DISC1: variants seen among roughly 807,000 people sequenced by gnomAD.
DISC1 encodes the protein disrupted in schizophrenia 1 protein.
In DISC1, 57 loss-of-function variants were observed where a neutral mutation model predicts 84.5. The ratio of observed to expected loss-of-function variants is 0.67; its 90% CI spans 0.55 to 0.84. The LOEUF is 0.84. Ranked by LOEUF, DISC1 falls within the 40% of genes least tolerant of loss-of-function variation. The pLI, the probability that DISC1 is intolerant of heterozygous loss-of-function variation, is 0.00. For synonymous variants in DISC1, 411 were observed against 415.2 expected, an observed-to-expected ratio of 0.99 and a Z score of 0.12; for missense variants, 1,000 against 1,057.8, an observed-to-expected ratio of 0.95 and a Z score of 0.76.
At chr1:231,642,229 G>A (rs1222773574) in intron 1 of DISC1, among the ~76,000 whole-genome samples, 2 of 152,162 alleles carry the variant, frequency 1.3e-5, no homozygotes, top group South Asian at 2.1e-4. Flanking sequence ...ATGCTCACCC[G>A]GAACTCGCGC....
intron 1 of DISC1, among the ~76,000 whole-genome samples, chr1:231,692,973 G>A (rs1332123651): frequency 1.3e-5 from 2 of 152,208 alleles, no homozygotes; most frequent in Non-Finnish European, 2.9e-5. Context: ...ATCATCATAT[G>A]TGCCAGGCAC....
intron 8 of DISC1, among the ~76,000 whole-genome samples, chr1:231,803,333 G>A (rs1033040134): frequency 2.6e-5 from 4 of 152,184 alleles, no homozygotes; most frequent in African/African-American, 4.8e-5. Flanking sequence ...CTCTATTAAT[G>A]TGTAATAAGT....
intron 11 of DISC1, among the ~76,000 whole-genome samples, chr1:232,015,041 G>A (rs991896937): frequency 2.6e-5 from 4 of 152,148 alleles, no homozygotes; most frequent in African/African-American, 7.2e-5. Context: ...CCCCTGGCCT[G>A]GCCCTGGCCA....
chr1:231,898,966 A>T (rs2087928478), intron 9 of DISC1, among the ~76,000 whole-genome samples: 1 of 151,916 alleles, frequency 6.6e-6, no homozygotes, highest in Non-Finnish European at 1.5e-5. Flanking sequence ...ACAAAACAAA[A>T]AAAACCCCAC....
Position 231,770,971 on chromosome 1 carries a change from C to T in DISC1, c.1535C>T (p.Ser512Phe). The change falls in exon 6 of 13, where the codon TCC becomes TTC. Residue 512 changes from serine (S) to phenylalanine (F), a missense_variant. By Grantham distance (155) the Ser-to-Phe change is radical. Coordinates refer to ENST00000439617, the MANE Select transcript of DISC1 (RefSeq NM_018662.3). ...CTGACCCCACTGGTGGGCCAGCTGT[C>T]CCTGGGTCAGCTGCAGGAGGTCAGC... The part of the protein sequence containing the change: ...CDLTPLVGQL[S>F]LGQLQEVSKA... 1 of 1,613,840 alleles carries T rather than the reference C, an allele frequency of 6.2e-7. No individual in the cohort carries two copies. Among genetic ancestry groups the T allele is most frequent in the African/African-American group, 1.3e-5 (1 of 75,052 alleles).
At chr1:231,903,467 G>GA (rs1165946522) in intron 9 of DISC1, among the ~76,000 whole-genome samples, 2 of 152,138 alleles carry the variant, frequency 1.3e-5, no homozygotes, top group African/African-American at 4.8e-5. Flanking sequence ...TATAATATGT[G>GA]AAAAAATATA....
rs367678056 is a variant in DISC1 at position 231,827,537 on chromosome 1, T to G, written c.1981+9020T>G. On this transcript the variant is annotated intron_variant, in intron 9 of 12. Coordinates refer to ENST00000439617, the MANE Select transcript of DISC1 (RefSeq NM_018662.3). ...CCATTTTAGCTGTGTACTTTTTCTT[T>G]GAAGCTGCCATATGTTAACAACCCA... Among the ~76,000 whole-genome samples the G allele has an allele frequency of 2.0e-5, 3 of 152,364 alleles. 1 individual carries two copies. The highest frequency in any genetic ancestry group is 7.2e-5 in the African/African-American group (3 of 41,584).
intron 9 of DISC1, among the ~76,000 whole-genome samples, chr1:231,952,040 G>A (rs915865187): frequency 2.6e-4 from 35 of 132,918 alleles, no homozygotes; most frequent in African/African-American, 5.7e-4. Flanking sequence ...CTATAATCAC[G>A]CCACTGCACT....
intron 8 of DISC1, among the ~76,000 whole-genome samples, chr1:231,806,662 C>CCTCT (rs147339198): frequency 0.097 from 14,783 of 152,232 alleles, 907 homozygotes; most frequent in Non-Finnish European, 0.14. Flanking sequence ...GGGTGAAAGG[C>CCTCT]CTCTTCTCCC....
At chr1:231,705,286 C>T (rs1427915085) in intron 3 of DISC1, among the ~76,000 whole-genome samples, 1 of 68,146 alleles carries the variant, frequency 1.5e-5, no homozygotes, top group African/African-American at 6.5e-5. Context: ...AGCGAGACTC[C>T]ATCTCAAAAA....
At chr1:231,941,534 G>A (rs1436117816) in intron 9 of DISC1, among the ~76,000 whole-genome samples, 4 of 151,132 alleles carry the variant, frequency 2.6e-5, no homozygotes, top group African/African-American at 7.3e-5. Flanking sequence ...GTGCAGTGGC[G>A]CAATCTCAGC....
At chr1:231,985,599 T>G (rs2102891219) in intron 10 of DISC1, among the ~76,000 whole-genome samples, 1 of 152,296 alleles carries the variant, frequency 6.6e-6, no homozygotes, top group African/African-American at 2.4e-5. Flanking sequence ...AATTTTGAAA[T>G]AGTTTTCAAT....
At chr1:231,922,081 T>C (rs2090046288) in intron 9 of DISC1, among the ~76,000 whole-genome samples, 1 of 152,160 alleles carries the variant, frequency 6.6e-6, no homozygotes, top group Non-Finnish European at 1.5e-5. Flanking sequence ...TCCCTGAGGC[T>C]TGGGAATTTG....
chr1:232,035,914 A>G (rs902328169), intron 12 of DISC1, among the ~76,000 whole-genome samples: 3 of 152,214 alleles, frequency 2.0e-5, no homozygotes, highest in African/African-American at 7.2e-5. Context: ...ACTGTTTGCT[A>G]AGTTCTCTAT....
chr1:231,691,620 A>G (rs920745857), intron 1 of DISC1, among the ~76,000 whole-genome samples: 1 of 152,246 alleles, frequency 6.6e-6, no homozygotes, highest in Admixed American at 6.5e-5. Context: ...TTTAAACCAC[A>G]GACAGTATAG....
At chr1:231,916,640 G>A (rs1028886026) in intron 9 of DISC1, among the ~76,000 whole-genome samples, 4 of 134,904 alleles carry the variant, frequency 3.0e-5, no homozygotes, top group Admixed American at 7.6e-5. Context: ...GGGCGACAGA[G>A]CGAGACTCCG....
intron 10 of DISC1, among the ~76,000 whole-genome samples, chr1:231,966,422 C>T (rs1661132404): frequency 2.0e-5 from 3 of 152,136 alleles, no homozygotes; most frequent in Non-Finnish European, 2.9e-5. Flanking sequence ...TATCTGTTAT[C>T]TTTTTTAAAG....
At chr1:231,934,939 T>C (rs2090888416) in intron 9 of DISC1, among the ~76,000 whole-genome samples, 1 of 152,236 alleles carries the variant, frequency 6.6e-6, no homozygotes, top group African/African-American at 2.4e-5. Context: ...TCTCAGAGCC[T>C]CCTGCTCTTG....
rs577525044 is a variant in DISC1 at position 232,006,394 on chromosome 1, G to A, written c.2043-2391G>A. Reference sequence around the variant, plus strand: ...AGTCCAGGCTGAGGTGGTATCAGATGGAGATGAGGAACTTGTTGGGAACTG... The same window carrying A: ...AGTCCAGGCTGAGGTGGTATCAGATAGAGATGAGGAACTTGTTGGGAACTG... On this transcript the variant is annotated intron_variant, in intron 10 of 12. Coordinates refer to ENST00000439617, the MANE Select transcript of DISC1 (RefSeq NM_018662.3). 3.3e-5 allele frequency among the ~76,000 whole-genome samples: 5 copies of A among 151,852 alleles called. No homozygotes were observed. In the South Asian group the frequency reaches 1.0e-3, roughly 31 times the overall value.
Sources: gnomAD v4.1 joint callset for allele counts (sites outside exome capture counted in the v4.1 genomes callset) on GRCh38, gnomAD v4.1.1 for gene constraint, MANE v1.5 for transcripts, NCBI Gene and HGNC (gene_info 2026-07-23, HGNC 2026-07-21) for gene names.